The following PAG1 variants were observed in gnomAD, a reference collection of about 807,000 sequenced individuals.
The protein encoded by PAG1 is phosphoprotein associated with glycosphingolipid-enriched microdomains 1.
PAG1 carries 23 observed loss-of-function variants against 31.7 expected under a neutral mutation model. That is an observed-to-expected ratio of 0.73 (90% CI 0.52 to 1.03). PAG1 has a LOEUF of 1.03. PAG1 is among the 50% of genes least tolerant of loss of function. The pLI is 0.00. For synonymous variants in PAG1, 214 were observed against 210.3 expected, an observed-to-expected ratio of 1.02 and a Z score of -0.15; for missense variants, 473 against 540.7, an observed-to-expected ratio of 0.87 and a Z score of 1.24.
rs116230950 is a variant in PAG1 at position 80,991,584 on chromosome 8, C to T, written c.126-54G>A. On this transcript the variant is annotated intron_variant, in intron 4 of 8. Coordinates refer to ENST00000220597, the MANE Select transcript of PAG1 (RefSeq NM_018440.4). The stretch of plus-strand genomic sequence containing the variant: ...TCAAATGTGCCCCCTTAAAATCAAG[C>T]GCACACTACCCTTTCCTATCCCAAT... 218 of 1,169,678 alleles carry T rather than the reference C, an allele frequency of 1.9e-4. No individual in the cohort carries two copies. In the African/African-American group the frequency reaches 2.8e-3, roughly 15 times the overall value. The allele number at this position is 1,169,678 out of a possible 1,614,324, so 72.5% of individuals were successfully genotyped here.
At chr8:81,019,203 C>A (rs532438643) in intron 3 of PAG1, among the ~76,000 whole-genome samples, 153 of 152,246 alleles carry the variant, frequency 1.0e-3, no homozygotes, top group African/African-American at 3.5e-3. Flanking sequence ...CAAGAGGAAG[C>A]AGAGAATAAA....
At chr8:81,049,219 C>T (rs1292363398) in intron 2 of PAG1, among the ~76,000 whole-genome samples, 1 of 152,210 alleles carries the variant, frequency 6.6e-6, no homozygotes, top group Non-Finnish European at 1.5e-5. Context: ...TCATTAGCTT[C>T]ACAACATATC....
intron 5 of PAG1, chr8:80,987,682 C>T: frequency 2.1e-6 from 1 of 478,878 alleles, no homozygotes; most frequent in Non-Finnish European, 3.8e-6. Flanking sequence ...CCTATATAGA[C>T]TATGTCTTTT....
chr8:81,013,023 G>A (rs150594411), intron 3 of PAG1, among the ~76,000 whole-genome samples: 48 of 152,284 alleles, frequency 3.2e-4, no homozygotes, highest in African/African-American at 1.1e-3. Flanking sequence ...AAGTTTCTGT[G>A]AGAAAATATC....
At chr8:81,088,997 T>C (rs1244010255) in intron 1 of PAG1, among the ~76,000 whole-genome samples, 1 of 152,224 alleles carries the variant, frequency 6.6e-6, no homozygotes, top group East Asian at 1.9e-4. Context: ...TGCTAAATGA[T>C]TTTTACAAGT....
chr8:81,009,418 A>G (rs1366988443), intron 3 of PAG1, among the ~76,000 whole-genome samples: 1 of 152,250 alleles, frequency 6.6e-6, no homozygotes, highest in African/African-American at 2.4e-5. Flanking sequence ...AGGAAAAAGG[A>G]AGTCAGAAAG....
At chr8:81,024,464 C>T (rs1009372409) in intron 3 of PAG1, among the ~76,000 whole-genome samples, 4 of 152,286 alleles carry the variant, frequency 2.6e-5, no homozygotes, top group South Asian at 2.1e-4. Flanking sequence ...TCCACATATA[C>T]GCAAGTTGGG....
At chr8:81,080,863 G>T (rs1218804707) in intron 1 of PAG1, among the ~76,000 whole-genome samples, 1 of 152,246 alleles carries the variant, frequency 6.6e-6, no homozygotes, top group African/African-American at 2.4e-5. Flanking sequence ...GAAAAGTCTT[G>T]AATTTCAGTC....
intron 2 of PAG1, among the ~76,000 whole-genome samples, chr8:81,064,378 T>C (rs910693408): frequency 6.6e-6 from 1 of 152,194 alleles, no homozygotes; most frequent in Non-Finnish European, 1.5e-5. Context: ...CTGTGTGGCC[T>C]GGTTCCTGCA....
intron 3 of PAG1, among the ~76,000 whole-genome samples, chr8:81,008,350 A>C (rs1586161819): frequency 6.6e-6 from 1 of 152,170 alleles, no homozygotes; most frequent in East Asian, 1.9e-4. Context: ...GTCACTGGTA[A>C]CACTCTGCTT....
chr8:81,025,681 G>A (rs1029156927), intron 3 of PAG1, among the ~76,000 whole-genome samples: 2 of 152,186 alleles, frequency 1.3e-5, no homozygotes, highest in Non-Finnish European at 2.9e-5. Flanking sequence ...CTGCTCGGGC[G>A]TTCCTCTGCA....
intron 6 of PAG1, among the ~76,000 whole-genome samples, chr8:80,986,016 T>C (rs1319596194): frequency 1.3e-5 from 2 of 152,218 alleles, no homozygotes; most frequent in Non-Finnish European, 1.5e-5. Flanking sequence ...TGTGAAGCTG[T>C]TCAGTCGTCC....
At chr8:81,004,252 T>G (rs1281913871) in intron 3 of PAG1, among the ~76,000 whole-genome samples, 1 of 152,106 alleles carries the variant, frequency 6.6e-6, no homozygotes, top group Non-Finnish European at 1.5e-5. Flanking sequence ...AAAAAGCAAG[T>G]TGGAAATGGA....
rs191091709 is a variant in PAG1 at position 81,075,754 on chromosome 8, A to C, written c.-233-5584T>G. Among the ~76,000 whole-genome samples the C allele has an allele frequency of 1.8e-4, 28 of 152,274 alleles. No individual in the cohort carries two copies. In the East Asian group the frequency reaches 4.8e-3, roughly 26 times the overall value. On this transcript the variant is annotated intron_variant, in intron 1 of 8. Transcript: ENST00000220597. ...AGCTCCTCACGCACACACACAAGAT[A>C]ACACACAGCTGAAGCCCAAGAGCGT...
At chr8:81,110,340 G>T (rs1279735802) in intron 1 of PAG1, among the ~76,000 whole-genome samples, 4 of 151,996 alleles carry the variant, frequency 2.6e-5, no homozygotes, top group Non-Finnish European at 5.9e-5. Flanking sequence ...TATAATATTC[G>T]CTGTGTAACA....
At chr8:80,979,993 T>C (rs761511754) in intron 8 of PAG1, among the ~76,000 whole-genome samples, 1 of 152,202 alleles carries the variant, frequency 6.6e-6, no homozygotes, top group Admixed American at 6.5e-5. Context: ...GCTCTCAGCA[T>C]CCAAATTTCC....
At chr8:81,094,543 C>T (rs1809496515) in intron 1 of PAG1, among the ~76,000 whole-genome samples, 3 of 152,092 alleles carry the variant, frequency 2.0e-5, no homozygotes, top group Non-Finnish European at 1.5e-5. Context: ...TATGCTACCC[C>T]TTAAACCTTT....
chr8:81,016,906 A>G (rs1229331166), intron 3 of PAG1, among the ~76,000 whole-genome samples: 1 of 152,196 alleles, frequency 6.6e-6, no homozygotes, highest in Non-Finnish European at 1.5e-5. Flanking sequence ...CAACAAATCT[A>G]GGTTGACCCT....
intron 3 of PAG1, among the ~76,000 whole-genome samples, chr8:81,018,874 G>T (rs1021712703): frequency 5.3e-5 from 8 of 152,210 alleles, no homozygotes; most frequent in Admixed American, 4.6e-4. Context: ...ACTGACTTTG[G>T]AACTGGGTAA....
Sources: allele counts gnomAD v4.1 joint callset (sites outside exome capture counted in the v4.1 genomes callset), GRCh38; gene constraint gnomAD v4.1.1; transcripts MANE v1.5; gene names NCBI Gene and HGNC (gene_info 2026-07-23, HGNC 2026-07-21).